Variants in RELN observed in about 807,000 individuals in gnomAD.
RELN encodes reelin.
RELN carries 108 observed loss-of-function variants against 427.6 expected under a neutral mutation model. The observed-to-expected ratio is 0.25, with a 90% CI of 0.22 to 0.30. The LOEUF is 0.30. RELN is among the 10% of genes least tolerant of loss of function. The pLI is 1.00. For synonymous variants in RELN, 1,524 were observed against 1,513.4 expected (o/e 1.01, Z -0.16); for missense variants, 3,715 against 4,302.8 (o/e 0.86, Z 3.82).
chr7:103,764,061 A>T (rs761989746), intron 4 of RELN, among the ~76,000 whole-genome samples: 1 of 152,218 alleles, frequency 6.6e-6, no homozygotes, highest in Non-Finnish European at 1.5e-5. Context: ...GAAGATGCTA[A>T]CCAGAACTGC....
intron 2 of RELN, among the ~76,000 whole-genome samples, chr7:103,855,349 A>G (rs1292492883): frequency 2.0e-5 from 3 of 152,200 alleles, no homozygotes; most frequent in South Asian, 2.1e-4. Context: ...TTGCGTCACT[A>G]AAGAATGTGT....
intron 4 of RELN, among the ~76,000 whole-genome samples, chr7:103,774,023 C>T (rs973807588): frequency 4.6e-5 from 7 of 151,950 alleles, no homozygotes; most frequent in African/African-American, 7.2e-5. Context: ...CGGTAGGGTG[C>T]GGTGGCTCAT....
intron 2 of RELN, among the ~76,000 whole-genome samples, chr7:103,874,491 T>G (rs1046720853): frequency 1.4e-5 from 2 of 145,090 alleles, no homozygotes; most frequent in Admixed American, 1.4e-4. Context: ...CTTAAGCTGA[T>G]AAGCAACTTC....
rs1830839267 is a variant in RELN, at chr7:103,569,762, A to T, written c.4588+2422T>A. The stretch of plus-strand genomic sequence containing the variant: ...GAATGCAAGAAAGGCAAAGAGCAAT[A>T]TACATATCTCATATCACTTGCTGAA... On this transcript the variant is annotated intron_variant, in intron 31 of 64. Coordinates refer to ENST00000428762, the MANE Select transcript of RELN (RefSeq NM_005045.4). This position sits in a 1 kb window ranked among gnomAD's most constrained non-coding sequence, Gnocchi z 4.0. Among the ~76,000 whole-genome samples the T allele has an allele frequency of 6.6e-6, 1 of 152,214 alleles. No individual in the cohort carries two copies. Among genetic ancestry groups the T allele is most frequent in the African/African-American group, 2.4e-5 (1 of 41,452 alleles).
In RELN at chr7:103,517,002, T is replaced by C. The variant is rs745500294; in HGVS notation, c.7863-1561A>G. Among the ~76,000 whole-genome samples the C allele has an allele frequency of 3.3e-5, 5 of 152,184 alleles. No homozygotes were observed. In the East Asian group the frequency reaches 5.8e-4, roughly 18 times the overall value. On this transcript the variant is annotated intron_variant, in intron 49 of 64. Coordinates refer to ENST00000428762, the MANE Select transcript of RELN (RefSeq NM_005045.4). ...ATTCTGTGCGCCCTTTGGGCCATGA[T>C]AGCTTAATGGATCTTAGTCTTAGGG...
chr7:103,925,974 G>GT (rs899156795), intron 1 of RELN, among the ~76,000 whole-genome samples: 13 of 150,518 alleles, frequency 8.6e-5, no homozygotes, highest in Non-Finnish European at 1.2e-4. Flanking sequence ...TTTCTATTAT[G>GT]TTTTTTTTAC....
intron 6 of RELN, among the ~76,000 whole-genome samples, chr7:103,747,181 C>T (rs1178535842): frequency 2.0e-5 from 3 of 149,954 alleles, no homozygotes; most frequent in Non-Finnish European, 4.4e-5. Context: ...CCAAACACCG[C>T]ATGTTCTCAC....
chr7:103,474,424 G>C (rs1827959743), intron 64 of RELN, among the ~76,000 whole-genome samples: 1 of 151,904 alleles, frequency 6.6e-6, no homozygotes, highest in African/African-American at 2.4e-5. Flanking sequence ...TAGAGAAAAA[G>C]ATTTCAAAAA....
intron 1 of RELN, among the ~76,000 whole-genome samples, chr7:103,974,007 G>T (rs1796818669): frequency 6.6e-6 from 1 of 152,126 alleles, no homozygotes; most frequent in Non-Finnish European, 1.5e-5. Context: ...GCCAGGCATG[G>T]TGGTGCATGC....
chr7:103,571,291 T>G (rs1280698059), intron 31 of RELN, among the ~76,000 whole-genome samples: 2 of 152,200 alleles, frequency 1.3e-5, no homozygotes, highest in African/African-American at 4.8e-5. Context: ...CTGAGAAACC[T>G]ATGAATTTTG....
At chr7:103,903,628 T>A (rs1795130376) in intron 2 of RELN, among the ~76,000 whole-genome samples, 2 of 152,126 alleles carry the variant, frequency 1.3e-5, no homozygotes, top group Admixed American at 1.3e-4. Context: ...GAGAATCTGC[T>A]CGAAAATGTA....
chr7:103,816,166 G>A (rs753036467), intron 3 of RELN, among the ~76,000 whole-genome samples: 11 of 152,112 alleles, frequency 7.2e-5, no homozygotes, highest in Non-Finnish European at 1.3e-4. Flanking sequence ...ATCATTTGAG[G>A]TCAGGAGATC....
chr7:103,593,895 A>T lies in RELN; in HGVS notation c.3712-13T>A. On this transcript the variant is annotated splice_polypyrimidine_tract_variant and intron_variant, in intron 26 of 64. Transcript: ENST00000428762. ...TCTCATAAAAGTTCTAATAGAAACA[A>T]TACAAATAAAACAAAAGGCAATTTG... 3 of 1,598,910 alleles carry T rather than the reference A, an allele frequency of 1.9e-6. No homozygotes were observed. Among genetic ancestry groups the T allele is most frequent in the Non-Finnish European group, 2.6e-6 (3 of 1,166,794 alleles).
At chr7:103,550,613 CTTT>C (rs556298996) in intron 41 of RELN, among the ~76,000 whole-genome samples, 5 of 122,650 alleles carry the variant, frequency 4.1e-5, no homozygotes, top group Admixed American at 1.7e-4. Context: ...AACGTGCTAA[CTTT>C]TTTTTTTTTT....
At chr7:103,972,920 G>GTGTGTGT (rs1198513970) in intron 1 of RELN, among the ~76,000 whole-genome samples, 2 of 151,334 alleles carry the variant, frequency 1.3e-5, no homozygotes, top group Non-Finnish European at 2.9e-5. Context: ...GTGTGTGTGT[G>GTGTGTGT]CTACAAGATT....
intron 20 of RELN, among the ~76,000 whole-genome samples, chr7:103,613,970 C>T (rs573512409): frequency 9.2e-5 from 14 of 152,206 alleles, no homozygotes; most frequent in African/African-American, 3.4e-4. Flanking sequence ...ATAAATATTG[C>T]CTGCACCTAA....
chr7:103,859,875 A>C (rs1223916239), intron 2 of RELN, among the ~76,000 whole-genome samples: 1 of 152,196 alleles, frequency 6.6e-6, no homozygotes, highest in Admixed American at 6.5e-5. Context: ...CTGAGATTAC[A>C]CAGATAAAAG....
intron 11 of RELN, among the ~76,000 whole-genome samples, chr7:103,678,181 T>G (rs994253198): frequency 6.6e-6 from 1 of 152,206 alleles, no homozygotes; most frequent in African/African-American, 2.4e-5. Context: ...GTGTTTTGAA[T>G]AGTAAAAGCA....
In RELN at chr7:103,720,181, G is replaced by A. The variant is rs866825071; in HGVS notation, c.805+2959C>T. Among the ~76,000 whole-genome samples the A allele has an allele frequency of 7.4e-3, 1,106 of 150,246 alleles. 16 individuals are homozygous for A. The highest frequency in any genetic ancestry group is 0.026 in the African/African-American group (1,068 of 41,136). On this transcript the variant is annotated intron_variant, in intron 8 of 64. Transcript: ENST00000428762. Reference sequence around the variant, plus strand: ...TATATATTGTATAAACATTGTGTGTGTGTGTGTGTGTGTGTGTGTGTATTT... The same window carrying A: ...TATATATTGTATAAACATTGTGTGTATGTGTGTGTGTGTGTGTGTGTATTT...
Sources: allele counts gnomAD v4.1 joint callset (sites outside exome capture counted in the v4.1 genomes callset), GRCh38; gene constraint gnomAD v4.1.1; non-coding constraint Gnocchi (gnomAD v3.1); transcripts MANE v1.5; gene names NCBI Gene and HGNC (gene_info 2026-07-23, HGNC 2026-07-21).